PSMB10: variants seen among roughly 807,000 people sequenced by gnomAD.
PSMB10 encodes proteasome subunit beta type-10.
Under a neutral mutation model 29.8 loss-of-function variants are expected in PSMB10, and 29 were observed. That is an observed-to-expected ratio of 0.97 (90% CI 0.73 to 1.33). The LOEUF (loss-of-function observed/expected upper bound fraction) is 1.33, where lower values mean the gene tolerates loss of function less well. Ranked by LOEUF, PSMB10 falls within the 40% of genes most tolerant of loss-of-function variation. The pLI, the probability that PSMB10 is intolerant of heterozygous loss-of-function variation, is 0.00. For missense variants in PSMB10, 327 were observed against 369.2 expected, an observed-to-expected ratio of 0.89 and a Z score of 0.94; for synonymous variants, 157 against 164.7, an observed-to-expected ratio of 0.95 and a Z score of 0.36.
intron 6 of PSMB10, 117 bp downstream of exon 6, chr16:67,935,303 T>G: frequency 7.9e-7 from 1 of 1,273,034 alleles, no homozygotes. Context: ...CACCCTTCAG[T>G]GGTCACCTCC....
rs1457183325 is a variant in PSMB10, at chr16:67,936,389, G to C, written c.144+9C>G. The C allele has an allele frequency of 1.2e-6, 2 of 1,612,056 alleles. No individual in the cohort carries two copies. The highest frequency in any genetic ancestry group is 3.3e-5 in the Admixed American group (2 of 59,898). On this transcript the variant is annotated intron_variant, in intron 2 of 7. Transcript: ENST00000358514. Reference sequence around the variant, plus strand: ...CCCCTCCAGCTCCCCGTCCCTCCCCGCTGCTCACTTGGAACACCAGGCCCG... The same window carrying C: ...CCCCTCCAGCTCCCCGTCCCTCCCCCCTGCTCACTTGGAACACCAGGCCCG...
At position 67,935,408 on chromosome 16, in the gene PSMB10, G is replaced by C. The variant is rs199834787; in HGVS notation, c.558+12C>G. The C allele has an allele frequency of 4.3e-6, 7 of 1,613,546 alleles. No individual in the cohort carries two copies. The Admixed American group carries it at 1.2e-4, about 27-fold the overall frequency. On this transcript the variant is annotated intron_variant, in intron 6 of 7. Transcript: ENST00000358514. ...ACCAGCGACCACAAAGTCGGGGACA[G>C]AGGCCGCTCACCGTCATGTTCGGCT...
chr16:67,935,396 A>G, intron 6 of PSMB10, 24 bp downstream of exon 6: 6 of 1,613,136 alleles, frequency 3.7e-6, no homozygotes, highest in Non-Finnish European at 5.1e-6. Context: ...AGCGACCACA[A>G]AGTCGGGGAC....
At chr16:67,935,317 G>T (rs1296676147) in intron 6 of PSMB10, 103 bp downstream of exon 6, 11 of 1,456,760 alleles carry the variant, frequency 7.6e-6, no homozygotes, top group Non-Finnish European at 1.0e-5. Flanking sequence ...CACCTCCTCC[G>T]ACAAGCCTTA....
Position 67,936,736 on chromosome 16 carries a change from G to T in PSMB10, c.14C>A (p.Ala5Asp). The T allele has an allele frequency of 6.4e-7, 1 of 1,557,042 alleles. No homozygotes were observed. MLKP[A>D]LEPRGGFSFE... Reference sequence around the variant, plus strand: ...GGAGAAGCCCCCTCGGGGCTCCAGGGCTGGCTTCAGCATCTTGGGGCAGGC... The same window carrying T: ...GGAGAAGCCCCCTCGGGGCTCCAGGTCTGGCTTCAGCATCTTGGGGCAGGC... Residue 5 changes from alanine (A) to aspartate (D), a missense_variant, in exon 1 of 8, where the codon GCC becomes GAC. Transcript: ENST00000358514.
At chr16:67,935,516 A>G (rs374539582) in intron 5 of PSMB10, 38 bp from the exon 6 acceptor site, 38 of 1,614,040 alleles carry the variant, frequency 2.4e-5, no homozygotes, top group Non-Finnish European at 3.2e-5. Flanking sequence ...AACCGCTGCG[A>G]CGCCGTTTGG....
chr16:67,934,716 G>T lies in PSMB10; in HGVS notation c.711-45C>A. 6.2e-7 allele frequency: 1 copy of T among 1,611,554 alleles called. No homozygotes were observed. On this transcript the variant is annotated intron_variant, in intron 7 of 7. Transcript: ENST00000358514. This position sits in a 1 kb window ranked among gnomAD's most constrained non-coding sequence, Gnocchi z 4.3. ...GCCTCTGAACATGGGCCTGTCATGTGGCCCATCCCCTTTTTGCAGCCCCCT... is the reference window on the plus strand; with the variant it reads ...GCCTCTGAACATGGGCCTGTCATGTTGCCCATCCCCTTTTTGCAGCCCCCT...
Position 67,934,801 on chromosome 16 carries a change from T to G in PSMB10, c.706A>C (p.Lys236Gln). 1 of 1,613,706 alleles carries G rather than the reference T, an allele frequency of 6.2e-7. No homozygotes were observed. Among genetic ancestry groups the G allele is most frequent in the Non-Finnish European group, 8.5e-7 (1 of 1,179,692 alleles). ...RTLSSPTEPV[K>Q]RSGRYHFVPG... The stretch of plus-strand genomic sequence containing the variant: ...TCCCCGATCTCCAGCTCTCACCTCT[T>G]CACGGGCTCTGTGGGTGAGCTCAGT... The change falls in exon 7 of 8, where the codon AAG becomes CAG. Residue 236 changes from lysine (K) to glutamine (Q), a missense_variant. Physicochemically the swap from Lys to Gln is moderately conservative, Grantham distance 53. Transcript: ENST00000358514. This position sits in a 1 kb window ranked among gnomAD's most constrained non-coding sequence, Gnocchi z 4.3.
chr16:67,935,916 A>G (rs201566321), intron 4 of PSMB10, 47 bp downstream of exon 4: 21 of 1,585,526 alleles, frequency 1.3e-5, no homozygotes, highest in Admixed American at 1.2e-4. Context: ...AATGGCCCCA[A>G]CCCCGTAACT....
rs779815715 is a variant in PSMB10, at chr16:67,935,734, G to T, written c.384-37C>A. On this transcript the variant is annotated intron_variant, in intron 4 of 7. Coordinates refer to ENST00000358514, the MANE Select transcript of PSMB10 (RefSeq NM_002801.4). ...TGGGCGGGGTCGGCCACAAGCTGGG[G>T]CCTAGGCCCCACCTCTCTATGCCCA... 1.6e-5 allele frequency: 25 copies of T among 1,602,644 alleles called. No homozygotes were observed. The South Asian group carries it at 2.5e-4, about 16-fold the overall frequency.
At chr16:67,935,914 C>T (rs777849619) in intron 4 of PSMB10, 49 bp downstream of exon 4, 15 of 1,585,304 alleles carry the variant, frequency 9.5e-6, no homozygotes, top group Non-Finnish European at 1.2e-5. Context: ...CCAATGGCCC[C>T]AACCCCGTAA....
In PSMB10 at chr16:67,936,213, A is replaced by C. The variant is rs777513347; in HGVS notation, c.242+2T>G. 1 of 1,613,904 alleles carries C rather than the reference A, an allele frequency of 6.2e-7. No individual in the cohort carries two copies. The highest frequency in any genetic ancestry group is 8.5e-7 in the Non-Finnish European group (1 of 1,179,916). ...TACGGGAACTGGGCTCGGGAGTCTC[A>C]CTAGATTTTGGGGGCGATGAAGTGG... On this transcript the variant is annotated splice_donor_variant, in intron 3 of 7. Transcript: ENST00000358514. LOFTEE classifies it high-confidence loss of function.
chr16:67,936,517 C>T (rs757557649), intron 1 of PSMB10, 32 bp from the exon 2 acceptor site: 18 of 1,588,452 alleles, frequency 1.1e-5, no homozygotes, highest in African/African-American at 1.3e-5. Context: ...CATGTTTCGG[C>T]TCTGCTTTCA....
rs754482064 is a variant in PSMB10 at position 67,936,385 on chromosome 16, C to T, written c.144+13G>A. 2 of 1,612,006 alleles carry T rather than the reference C, an allele frequency of 1.2e-6. No individual in the cohort carries two copies. Among genetic ancestry groups the T allele is most frequent in the South Asian group, 2.2e-5 (2 of 90,984 alleles). On this transcript the variant is annotated intron_variant, in intron 2 of 7. Coordinates refer to ENST00000358514, the MANE Select transcript of PSMB10 (RefSeq NM_002801.4). ...GGCTCCCCTCCAGCTCCCCGTCCCT[C>T]CCCGCTGCTCACTTGGAACACCAGG...
chr16:67,936,626 C>A, intron 1 of PSMB10, 68 bp downstream of exon 1: 1 of 1,484,760 alleles, frequency 6.7e-7, no homozygotes, highest in South Asian at 1.3e-5. Context: ...CCACCCCCAG[C>A]CAGGAAAAAA....
chr16:67,936,459 G>A lies in PSMB10; in HGVS notation c.83C>T (p.Pro28Leu), dbSNP rs761774453. The A allele has an allele frequency of 1.3e-5, 21 of 1,613,288 alleles. No individual in the cohort carries two copies. The highest frequency in any genetic ancestry group is 8.8e-5 in the South Asian group (8 of 91,026). Reference protein sequence around the residue: ...QRNASLERVLPGLKVPHARKT... With the variant: ...QRNASLERVLLGLKVPHARKT... ...GCGTGCGTGAGGGACCTTGAGCCCC[G>A]GGAGGACGCGTTCCAATGATGCATT... The change falls in exon 2 of 8, where the codon CCG becomes CTG. Residue 28 changes from proline (P) to leucine (L), a missense_variant. Pro to Leu is a moderately conservative substitution (Grantham distance 98). Coordinates refer to ENST00000358514, the MANE Select transcript of PSMB10 (RefSeq NM_002801.4).
chr16:67,935,527 A>G, intron 5 of PSMB10, 49 bp from the exon 6 acceptor site: 1 of 1,613,996 alleles, frequency 6.2e-7, no homozygotes, highest in Non-Finnish European at 8.5e-7. Context: ...CGCCGTTTGG[A>G]GTGAGGCCAA....
Position 67,936,052 on chromosome 16 carries a change from C to T in PSMB10, c.294G>A (p.Val98=). ...AADAEMTTRM[V]ASKMELHALS... Reference sequence around the variant, plus strand: ...ACGCGTGTAGCTCCATCTTGGACGCCACCATCCGTGTGGTCATCTCGGCGT... The same window carrying T: ...ACGCGTGTAGCTCCATCTTGGACGCTACCATCCGTGTGGTCATCTCGGCGT... Residue 98 remains valine, a synonymous_variant, in exon 4 of 8, where the codon GTG becomes GTA. Transcript: ENST00000358514. The T allele has an allele frequency of 3.7e-6, 6 of 1,613,064 alleles. No homozygotes were observed. The highest frequency in any genetic ancestry group is 5.1e-6 in the Non-Finnish European group (6 of 1,179,450).
rs2058256407 is a variant in PSMB10, at chr16:67,934,803, AC to A, written c.703del (p.Val235Ter). Reference sequence around the variant, plus strand: ...CCCGATCTCCAGCTCTCACCTCTTCACGGGCTCTGTGGGTGAGCTCAGTGTC... The same window carrying A: ...CCCGATCTCCAGCTCTCACCTCTTCAGGGCTCTGTGGGTGAGCTCAGTGTC... ...LRTLSSPTEPVKRSGRYHFVP... is the reference protein window; with the variant it reads ...LRTLSSPTEPXKRSGRYHFVP... On this transcript the variant is annotated frameshift_variant, in exon 7 of 8. Transcript: ENST00000358514. LOFTEE classifies it high-confidence loss of function. The surrounding 1 kb of genome is among the most constrained non-coding windows in gnomAD (Gnocchi z 4.3). The A allele has an allele frequency of 6.2e-7, 1 of 1,613,186 alleles. No individual in the cohort carries two copies. Among genetic ancestry groups the A allele is most frequent in the Non-Finnish European group, 8.5e-7 (1 of 1,179,584 alleles).
Sources: gnomAD v4.1 joint callset for allele counts on GRCh38, gnomAD v4.1.1 for gene constraint, Gnocchi (gnomAD v3.1) non-coding constraint, MANE v1.5 for transcripts, NCBI Gene and HGNC (gene_info 2026-07-23, HGNC 2026-07-21) for gene names.